ADGRB3: variants seen among roughly 807,000 people sequenced by gnomAD.
ADGRB3 encodes adhesion G protein-coupled receptor B3, also known as brain-specific angiogenesis inhibitor 3.
A neutral mutation model predicts 193.4 loss-of-function variants in ADGRB3; 37 were observed. The observed-to-expected ratio is 0.19, with a 90% CI of 0.15 to 0.25. ADGRB3 has a LOEUF of 0.25. ADGRB3 is among the 10% of genes least tolerant of loss of function. The probability of loss-of-function intolerance (pLI) is 1.00; values close to 1 mark genes in which losing one functional copy is unlikely to be tolerated. For synonymous variants in ADGRB3, 690 were observed against 644.2 expected (o/e 1.07, Z -1.08); for missense variants, 1,637 against 1,852.9 (o/e 0.88, Z 2.14).
chr6:69,070,357 T>C (rs1346921430), intron 16 of ADGRB3, among the ~76,000 whole-genome samples: 1 of 152,194 alleles, frequency 6.6e-6, no homozygotes, highest in African/African-American at 2.4e-5. Context: ...ATAATAATTG[T>C]ATTGATCTGT....
intron 12 of ADGRB3, among the ~76,000 whole-genome samples, chr6:69,016,748 G>A (rs1460474012): frequency 6.6e-6 from 1 of 151,874 alleles, no homozygotes; most frequent in Non-Finnish European, 1.5e-5. Context: ...AAATTGACAT[G>A]CATTGCAAAG....
At chr6:68,780,937 T>G (rs1562026635) in intron 3 of ADGRB3, among the ~76,000 whole-genome samples, 2 of 152,202 alleles carry the variant, frequency 1.3e-5, no homozygotes, top group African/African-American at 4.8e-5. Flanking sequence ...TCTTGATTAA[T>G]TATTTTATTC....
chr6:68,688,054 T>C (rs887855473), intron 3 of ADGRB3, among the ~76,000 whole-genome samples: 24 of 152,088 alleles, frequency 1.6e-4, no homozygotes, highest in African/African-American at 5.6e-4. Flanking sequence ...CAAAAGGAGA[T>C]TGAGTAACCT....
intron 3 of ADGRB3, among the ~76,000 whole-genome samples, chr6:68,870,096 T>C (rs1301328132): frequency 2.0e-5 from 3 of 152,214 alleles, no homozygotes; most frequent in Non-Finnish European, 4.4e-5. Context: ...AACATTCTTA[T>C]AATGTGGAAG....
intron 3 of ADGRB3, among the ~76,000 whole-genome samples, chr6:68,825,736 C>T (rs1767830913): frequency 6.6e-6 from 1 of 152,172 alleles, no homozygotes; most frequent in Non-Finnish European, 1.5e-5. Context: ...GCTCTTTCCC[C>T]TTCACTGGGC....
intron 20 of ADGRB3, among the ~76,000 whole-genome samples, chr6:69,323,135 G>T (rs1045776929): frequency 1.2e-4 from 18 of 151,924 alleles, no homozygotes; most frequent in Non-Finnish European, 2.4e-4. Context: ...AACACTTAGG[G>T]TCTAACATTT....
intron 17 of ADGRB3, among the ~76,000 whole-genome samples, chr6:69,190,857 C>T (rs1390774688): frequency 6.6e-6 from 1 of 152,026 alleles, no homozygotes; most frequent in East Asian, 1.9e-4. Context: ...GTTACAATTG[C>T]CTACATCAGT....
rs1175461597 is a variant in ADGRB3 at position 69,320,816 on chromosome 6, C to CGT, written c.2815-4056_2815-4055insGT. On this transcript the variant is annotated intron_variant, in intron 20 of 31. Transcript: ENST00000370598. ...TTTCATCAAAGTATATGTGCTTGTG[C>CGT]ATGTGTGTATGTGTGTGTGTGTGTG... Among the ~76,000 whole-genome samples the CGT allele has an allele frequency of 2.9e-3, 323 of 110,602 alleles. 2 individuals are homozygous for CGT. The highest frequency in any genetic ancestry group is 0.011 in the African/African-American group (306 of 27,802). 72.6% of individuals were successfully genotyped at this position (110,602 alleles called of 152,430 possible).
chr6:69,071,896 A>G (rs1772091101), intron 16 of ADGRB3, among the ~76,000 whole-genome samples: 1 of 152,030 alleles, frequency 6.6e-6, no homozygotes, highest in African/African-American at 2.4e-5. Flanking sequence ...GCTACTTCTC[A>G]TTATTGATTT....
At position 69,355,960 on chromosome 6, in the gene ADGRB3, T is replaced by C. The variant is rs1365973530; in HGVS notation, c.3595+100T>C. ...AATGCTGTGGTTTACACATTACATA[T>C]TGTTCTGTGAAAGGGCTGTATATGT... On this transcript the variant is annotated intron_variant, in intron 28 of 31. Coordinates refer to ENST00000370598, the MANE Select transcript of ADGRB3 (RefSeq NM_001704.3). 3.8e-6 allele frequency: 4 copies of C among 1,048,738 alleles called. No homozygotes were observed. The South Asian group carries it at 6.3e-5, about 16-fold the overall frequency. 65.0% of individuals were successfully genotyped at this position (1,048,738 alleles called of 1,614,324 possible).
intron 13 of ADGRB3, among the ~76,000 whole-genome samples, chr6:69,019,842 CTT>C (rs1321639269): frequency 6.6e-6 from 1 of 151,908 alleles, no homozygotes; most frequent in African/African-American, 2.4e-5. Context: ...AAGATGGTAT[CTT>C]TGTTGAACGA....
chr6:68,915,997 ATAAAT>A (rs1025324201), intron 3 of ADGRB3, among the ~76,000 whole-genome samples: 32 of 151,906 alleles, frequency 2.1e-4, no homozygotes, highest in Admixed American at 1.9e-3. Context: ...ATAAAGAAAA[ATAAAT>A]TAAAGAAGGA....
intron 3 of ADGRB3, among the ~76,000 whole-genome samples, chr6:68,684,256 T>A (rs1348534313): frequency 5.3e-5 from 8 of 152,190 alleles, no homozygotes; most frequent in African/African-American, 1.9e-4. Context: ...ACTTGGTTTA[T>A]CTACCTTGTC....
chr6:69,287,326 T>C (rs1767573650), intron 20 of ADGRB3, among the ~76,000 whole-genome samples: 3 of 152,260 alleles, frequency 2.0e-5, no homozygotes, highest in Middle Eastern at 3.4e-3. Context: ...TCCAGAGGAA[T>C]TGAGATTTCC....
At chr6:68,982,538 G>A (rs1438834941) in intron 10 of ADGRB3, among the ~76,000 whole-genome samples, 1 of 152,170 alleles carries the variant, frequency 6.6e-6, no homozygotes, top group African/African-American at 2.4e-5. Flanking sequence ...CTAGTTCCAT[G>A]TTCTAGCTTT....
chr6:68,861,872 G>A (rs1477315152), intron 3 of ADGRB3, among the ~76,000 whole-genome samples: 2 of 152,152 alleles, frequency 1.3e-5, no homozygotes, highest in South Asian at 2.1e-4. Flanking sequence ...AGATAAAGTT[G>A]TGAGAATTAA....
At chr6:69,039,845 C>T (rs1770977013) in intron 13 of ADGRB3, among the ~76,000 whole-genome samples, 1 of 151,200 alleles carries the variant, frequency 6.6e-6, no homozygotes, top group Non-Finnish European at 1.5e-5. Context: ...AGGTTTACAC[C>T]ATTCTCCTGC....
At position 69,186,926 on chromosome 6, in the gene ADGRB3, G is replaced by GTT. The variant is rs550287938; in HGVS notation, c.2481-46355_2481-46354dup. 1.6e-3 allele frequency among the ~76,000 whole-genome samples: 225 copies of GTT among 140,972 alleles called. 3 individuals are homozygous for GTT. Among genetic ancestry groups the GTT allele is most frequent in the African/African-American group, 5.5e-3 (208 of 37,772 alleles). 92.5% of individuals were successfully genotyped at this position (140,972 alleles called of 152,430 possible). A position where few individuals can be genotyped will look rare whatever the true frequency, so the allele number is the denominator to read the frequency against. On this transcript the variant is annotated intron_variant, in intron 17 of 31. Coordinates refer to ENST00000370598, the MANE Select transcript of ADGRB3 (RefSeq NM_001704.3). ...AAATCCTCTGTATAGTCATAGCAAG[G>GTT]TTTTTTTTTTGTTTTTTGTTTTTTT...
At chr6:68,681,942 A>AT (rs912612825) in intron 3 of ADGRB3, among the ~76,000 whole-genome samples, 2 of 152,174 alleles carry the variant, frequency 1.3e-5, no homozygotes, top group Admixed American at 6.5e-5. Context: ...CAACAATACT[A>AT]TAAGTAAAGA....
Sources: allele counts gnomAD v4.1 joint callset (sites outside exome capture counted in the v4.1 genomes callset), GRCh38; gene constraint gnomAD v4.1.1; transcripts MANE v1.5; gene names NCBI Gene and HGNC (gene_info 2026-07-23, HGNC 2026-07-21).